The following SRGAP3 variants were observed in gnomAD, a reference collection of about 807,000 sequenced individuals.
The protein encoded by SRGAP3 is SLIT-ROBO Rho GTPase-activating protein 3.
In SRGAP3, 39 loss-of-function variants were observed where a neutral mutation model predicts 121.1. The observed-to-expected ratio is 0.32, with a 90% CI of 0.25 to 0.42. SRGAP3 has a LOEUF of 0.42. SRGAP3 is among the 10% of genes least tolerant of loss of function. The pLI is 1.00. For missense variants in SRGAP3, 1,213 were observed against 1,470.6 expected (o/e 0.82, Z 2.86); for synonymous variants, 601 against 570.0 (o/e 1.05, Z -0.77).
rs1365756767 is a variant in SRGAP3 at position 9,286,157 on chromosome 3, C to T, written n.442+39853G>A. Among the ~76,000 whole-genome samples the T allele has an allele frequency of 1.1e-4, 15 of 136,616 alleles. No homozygotes were observed. The South Asian group carries it at 3.5e-3, about 32-fold the overall frequency. 89.6% of individuals were successfully genotyped at this position (136,616 alleles called of 152,430 possible). ...ACACACACACACACACACACACACA[C>T]ACACATTTATCTGTGTCTTGGTCTT... is the stretch of plus-strand genomic sequence containing the variant. On this transcript the variant is annotated intron_variant and non_coding_transcript_variant, in intron 3 of 3. Coordinates refer to the SRGAP3 transcript ENST00000490889.
At chr3:9,245,363 C>A (rs1953781497) in intron 1 of SRGAP3, among the ~76,000 whole-genome samples, 1 of 152,150 alleles carries the variant, frequency 6.6e-6, no homozygotes. Context: ...CAACTTTATC[C>A]ATTTATTCTA....
intron 1 of SRGAP3, among the ~76,000 whole-genome samples, chr3:9,209,719 A>G (rs1027812195): frequency 2.0e-5 from 3 of 152,248 alleles, no homozygotes; most frequent in African/African-American, 7.2e-5. Context: ...CAAAAAGTTG[A>G]AAACCAAGTA....
chr3:9,062,355 T>C (rs1946217012), intron 5 of SRGAP3, among the ~76,000 whole-genome samples: 2 of 152,210 alleles, frequency 1.3e-5, no homozygotes, highest in South Asian at 4.1e-4. Context: ...GCACTCACTC[T>C]ACCTCTCTCC....
chr3:9,013,225 A>T, intron 17 of SRGAP3, 83 bp downstream of exon 17: 2 of 1,395,494 alleles, frequency 1.4e-6, no homozygotes. Flanking sequence ...AAGCAGTAAG[A>T]AAACTGAAGG....
At chr3:9,210,479 T>C (rs1200286238) in intron 1 of SRGAP3, among the ~76,000 whole-genome samples, 1 of 152,080 alleles carries the variant, frequency 6.6e-6, no homozygotes, top group East Asian at 1.9e-4. Context: ...ACAGTGAGAC[T>C]CTGTCTCTAA....
At chr3:9,091,406 C>T (rs1370672455) in intron 3 of SRGAP3, among the ~76,000 whole-genome samples, 1 of 152,016 alleles carries the variant, frequency 6.6e-6, no homozygotes, top group East Asian at 1.9e-4. Context: ...CAACAAAATC[C>T]TTTGTCTCTT....
Position 9,049,740 on chromosome 3 carries a change from G to T in SRGAP3, c.1324-2265C>A, listed in dbSNP as rs146343880. ...AGGCCCAGAAGTGTTCACAATTCCAGTTGCCCATCTTGGGAGAGTGGTGGT... is the reference window on the plus strand; with the variant it reads ...AGGCCCAGAAGTGTTCACAATTCCATTTGCCCATCTTGGGAGAGTGGTGGT... On this transcript the variant is annotated intron_variant, in intron 9 of 21. Coordinates refer to ENST00000383836, the MANE Select transcript of SRGAP3 (RefSeq NM_014850.4). 5.4e-4 allele frequency among the ~76,000 whole-genome samples: 82 copies of T among 151,366 alleles called. 2 individuals are homozygous for T. In the East Asian group the frequency reaches 0.013, roughly 25 times the overall value.
chr3:9,265,756 A>G (rs1050035488), intron 3 of SRGAP3, among the ~76,000 whole-genome samples: 6 of 152,116 alleles, frequency 3.9e-5, no homozygotes, highest in African/African-American at 1.4e-4. Flanking sequence ...AAATAAGAAC[A>G]CTTTTACACT....
At chr3:9,088,717 G>T (rs1413984130) in intron 3 of SRGAP3, among the ~76,000 whole-genome samples, 1 of 152,150 alleles carries the variant, frequency 6.6e-6, no homozygotes, top group African/African-American at 2.4e-5. Flanking sequence ...GTTTTGTTTG[G>T]CCATTCAGTG....
At chr3:9,070,079 G>A (rs1159619776) in intron 4 of SRGAP3, among the ~76,000 whole-genome samples, 1 of 152,248 alleles carries the variant, frequency 6.6e-6, no homozygotes, top group African/African-American at 2.4e-5. Context: ...TCATCACACT[G>A]CCTTTTGCTT....
chr3:9,334,121 G>A (rs1005853311), intron 1 of SRGAP3, among the ~76,000 whole-genome samples: 2 of 151,960 alleles, frequency 1.3e-5, no homozygotes, highest in South Asian at 4.2e-4. Context: ...TGCTGTAAGA[G>A]TCAAACTAGA....
At chr3:9,080,139 T>A in intron 3 of SRGAP3, 52 bp from the exon 4 acceptor site, 2 of 1,592,430 alleles carry the variant, frequency 1.3e-6, no homozygotes, top group East Asian at 2.2e-5. Context: ...CTGGCTACAT[T>A]TACCAATCTC....
intron 1 of SRGAP3, among the ~76,000 whole-genome samples, chr3:9,246,399 G>A (rs1953825708): frequency 6.6e-6 from 1 of 152,184 alleles, no homozygotes; most frequent in African/African-American, 2.4e-5. Context: ...GAAAGTAAGA[G>A]GGTAAACAAT....
intron 4 of SRGAP3, among the ~76,000 whole-genome samples, chr3:9,067,621 G>T (rs565082483): frequency 2.0e-5 from 3 of 152,276 alleles, no homozygotes; most frequent in African/African-American, 7.2e-5. Context: ...TCATGCCTTG[G>T]TTAAAAGGAC....
At chr3:9,269,326 A>T (rs1954430247) in intron 3 of SRGAP3, among the ~76,000 whole-genome samples, 1 of 152,194 alleles carries the variant, frequency 6.6e-6, no homozygotes, top group South Asian at 2.1e-4. Context: ...GCTCCCCGGC[A>T]GTGCTGTATT....
At chr3:9,108,349 T>A (rs1000019080) in intron 2 of SRGAP3, among the ~76,000 whole-genome samples, 2 of 152,194 alleles carry the variant, frequency 1.3e-5, no homozygotes, top group African/African-American at 4.8e-5. Flanking sequence ...CCGGGTGCAG[T>A]GGCTCGTGCC....
chr3:9,032,831 A>C, intron 11 of SRGAP3, 79 bp from the exon 12 acceptor site: 2 of 1,293,742 alleles, frequency 1.5e-6, no homozygotes, highest in South Asian at 2.4e-5. Context: ...CTTAAAACCC[A>C]CGACTAAAGG....
intron 3 of SRGAP3, among the ~76,000 whole-genome samples, chr3:9,085,660 C>T (rs1337370585): frequency 2.0e-5 from 3 of 152,120 alleles, no homozygotes; most frequent in African/African-American, 4.8e-5. Flanking sequence ...ATGTCCTTTA[C>T]AGATATGAAT....
chr3:9,348,441 C>A, intron 1 of SRGAP3: 1 of 649,880 alleles, frequency 1.5e-6, no homozygotes, highest in Non-Finnish European at 2.9e-6. Flanking sequence ...CAGCCCGCCA[C>A]CATGGCTGCC....
Sources: allele counts gnomAD v4.1 joint callset (sites outside exome capture counted in the v4.1 genomes callset), GRCh38; gene constraint gnomAD v4.1.1; transcripts MANE v1.5; gene names NCBI Gene and HGNC (gene_info 2026-07-23, HGNC 2026-07-21).